SLC8B1: variants seen among roughly 807,000 people sequenced by gnomAD.
The protein encoded by SLC8B1 is mitochondrial sodium/calcium exchanger protein.
SLC8B1 carries 52 observed loss-of-function variants against 63.4 expected under a neutral mutation model. The ratio of observed to expected loss-of-function variants is 0.82; its 90% CI spans 0.66 to 1.03. The LOEUF is 1.03. Among genes scored for constraint, SLC8B1 ranks in the 50% least tolerant of loss-of-function variants. SLC8B1 has a pLI of 0.00. For missense variants in SLC8B1, 657 were observed against 741.7 expected (o/e 0.89, Z 1.33); for synonymous variants, 336 against 323.9 (o/e 1.04, Z -0.40).
chr12:113,314,220 A>G (rs146785508), intron 11 of SLC8B1, among the ~76,000 whole-genome samples: 57 of 152,216 alleles, frequency 3.7e-4, no homozygotes, highest in Middle Eastern at 3.4e-3. Flanking sequence ...CTCTCCTCCT[A>G]TCTCCTTCCC....
Position 113,335,056 on chromosome 12 carries a change from A to C in SLC8B1, c.-696T>G, listed in dbSNP as rs1442246301. 2 of 152,350 alleles carry C rather than the reference A, an allele frequency of 1.3e-5. No individual in the cohort carries two copies. The highest frequency in any genetic ancestry group is 1.3e-4 in the Admixed American group (2 of 15,288). The allele number at this position is 152,350 out of a possible 1,614,324, so 9.4% of individuals were successfully genotyped here. A position where few individuals can be genotyped will look rare whatever the true frequency, so the allele number is the denominator to read the frequency against. ...ACCTCGCAGGGCCTCGCAGCCTTCC[A>C]GGTCCCTGGCCGCCGGACCGACCTT... On this transcript the variant is annotated 5_prime_UTR_variant, in exon 1 of 16. Transcript: ENST00000680972.
rs1338758128 is a variant in SLC8B1, at chr12:113,332,771, A to G, written c.108T>C (p.Ile36=). The G allele has an allele frequency of 1.2e-6, 2 of 1,614,196 alleles. No individual in the cohort carries two copies. Among genetic ancestry groups the G allele is most frequent in the Admixed American group, 1.7e-5 (1 of 60,022 alleles). ...CACCTGAAGCTGGAAACTGGGGGCTAATGTGAGCTCCTGTAGACGAGCCCC... is the reference window on the plus strand; with the variant it reads ...CACCTGAAGCTGGAAACTGGGGGCTGATGTGAGCTCCTGTAGACGAGCCCC... The part of the protein sequence containing the change: ...GTRGSSTGAH[I]SPQFPASGVN... Residue 36 remains isoleucine, a synonymous_variant, in exon 2 of 16, where the codon ATT becomes ATC. Transcript: ENST00000680972.
chr12:113,328,389 C>T (rs925138877), intron 2 of SLC8B1, among the ~76,000 whole-genome samples: 18 of 152,162 alleles, frequency 1.2e-4, no homozygotes, highest in African/African-American at 4.1e-4. Context: ...TCCACCAGCA[C>T]GGAGAACAAC....
chr12:113,300,064 A>G, intron 15 of SLC8B1, 90 bp from the exon 16 acceptor site: 2 of 1,163,796 alleles, frequency 1.7e-6, no homozygotes, highest in African/African-American at 1.5e-5. Context: ...AGCCTCAACA[A>G]CAATGCAGCC....
intron 2 of SLC8B1, among the ~76,000 whole-genome samples, chr12:113,329,973 G>A (rs1048848120): frequency 3.9e-5 from 6 of 152,100 alleles, no homozygotes; most frequent in African/African-American, 1.4e-4. Context: ...CTGCCCCAGG[G>A]CCTTTGCATC....
intron 2 of SLC8B1, among the ~76,000 whole-genome samples, chr12:113,323,835 C>A (rs1176078807): frequency 2.0e-5 from 3 of 152,350 alleles, no homozygotes; most frequent in Non-Finnish European, 2.9e-5. Context: ...TGAACTCCCA[C>A]TAACACCAGA....
rs183212565 is a variant in SLC8B1, at chr12:113,319,092, G to A, written c.695-21C>T. The stretch of plus-strand genomic sequence containing the variant: ...GTAACCTGCAGACGGGGTGCACGCC[G>A]TCACCAAGTGGTGTCCTGGTGCAGG... On this transcript the variant is annotated intron_variant, in intron 7 of 15. Transcript: ENST00000680972. The A allele has an allele frequency of 1.2e-3, 1,958 of 1,581,774 alleles. 3 individuals are homozygous for A. The highest frequency in any genetic ancestry group is 1.6e-3 in the Non-Finnish European group (1,824 of 1,150,898).
At position 113,321,754 on chromosome 12, in the gene SLC8B1, CTT is replaced by C. The variant is rs779931273; in HGVS notation, c.157-408_157-407del. On this transcript the variant is annotated intron_variant, in intron 2 of 15. Coordinates refer to ENST00000680972, the MANE Select transcript of SLC8B1 (RefSeq NM_001358345.2). ...ACAGAAATGGATCCATCCCAAATCT[CTT>C]GTTTCTATAATTTGCTTTTACCATT... Among the ~76,000 whole-genome samples, 98 of 150,590 alleles carry C rather than the reference CTT, an allele frequency of 6.5e-4. 1 individual carries two copies. Among genetic ancestry groups the C allele is most frequent in the Admixed American group, 9.9e-4 (15 of 15,102 alleles).
At chr12:113,334,042 C>T (rs1418708561) in intron 1 of SLC8B1, among the ~76,000 whole-genome samples, 1 of 152,136 alleles carries the variant, frequency 6.6e-6, no homozygotes, top group Non-Finnish European at 1.5e-5. Context: ...GGTCACACAG[C>T]AAGAGGGTCA....
chr12:113,315,232 G>T, intron 11 of SLC8B1, 103 bp downstream of exon 11: 2 of 1,244,076 alleles, frequency 1.6e-6, no homozygotes, highest in East Asian at 2.8e-5. Context: ...GGAGGTTGCA[G>T]TGAGCTGAGA....
chr12:113,320,970 C>T lies in SLC8B1; in HGVS notation c.363-63G>A. 5 of 1,590,388 alleles carry T rather than the reference C, an allele frequency of 3.1e-6. No homozygotes were observed. The South Asian group carries it at 5.7e-5, about 18-fold the overall frequency. On this transcript the variant is annotated intron_variant, in intron 4 of 15. Coordinates refer to ENST00000680972, the MANE Select transcript of SLC8B1 (RefSeq NM_001358345.2). The surrounding 1 kb of genome is among the most constrained non-coding windows in gnomAD (Gnocchi z 5.3). The stretch of plus-strand genomic sequence containing the variant: ...AACCGGCCCCGGACCCCTATCCTTC[C>T]CCCAAACTGAGGGTGACCGAATGTC...
chr12:113,315,366 C>G lies in SLC8B1; in HGVS notation c.1104G>C (p.Leu368=). 6.4e-7 allele frequency: 1 copy of G among 1,556,030 alleles called. No individual in the cohort carries two copies. The highest frequency in any genetic ancestry group is 8.7e-7 in the Non-Finnish European group (1 of 1,149,312). The change falls in exon 11 of 16, where the codon CTG becomes CTC. Residue 368 remains leucine (L), a synonymous_variant. Coordinates refer to ENST00000680972, the MANE Select transcript of SLC8B1 (RefSeq NM_001358345.2). ...LNCLHLVISP[L]VVVLTLQSGT... is the part of the protein sequence containing the mutation. ...CCGACTGCAGGGTCAGGACCACAAC[C>G]AGGGGGCTGATAACCAGATGCAGAC...
rs778071860 is a variant in SLC8B1, at chr12:113,310,336, G to T, written c.1155C>A (p.Gly385=). Reference sequence around the variant, plus strand: ...CCACGACCCAGACGGGAACGAGGCCGCCTATCTCATAGACACCATCTGCAA... The same window carrying T: ...CCACGACCCAGACGGGAACGAGGCCTCCTATCTCATAGACACCATCTGCAA... ...QSGTYGVYEI[G]GLVPVWVVVV... The change falls in exon 12 of 16, where the codon GGC becomes GGA. Residue 385 remains glycine (G), a synonymous_variant. Transcript: ENST00000680972. 6.2e-6 allele frequency: 10 copies of T among 1,613,660 alleles called. No homozygotes were observed. The East Asian group carries it at 2.0e-4, about 32-fold the overall frequency.
At chr12:113,321,007 A>AC in intron 4 of SLC8B1, 49 bp downstream of exon 4, 1 of 1,597,934 alleles carries the variant, frequency 6.3e-7, no homozygotes, top group Non-Finnish European at 8.5e-7. Flanking sequence ...GCCTCCTGGG[A>AC]CCCCTCCTCC....
intron 15 of SLC8B1, among the ~76,000 whole-genome samples, chr12:113,303,135 ACACACACG>A (rs1172572789): frequency 2.8e-4 from 42 of 148,704 alleles, no homozygotes; most frequent in Non-Finnish European, 5.2e-4. Flanking sequence ...ACACACACAC[ACACACACG>A]CGCGCGCACA....
At chr12:113,333,697 G>A (rs1219819351) in intron 1 of SLC8B1, among the ~76,000 whole-genome samples, 4 of 151,732 alleles carry the variant, frequency 2.6e-5, no homozygotes, top group Non-Finnish European at 5.9e-5. Flanking sequence ...GGGGCTCAGA[G>A]GAGTGTTTTT....
At chr12:113,301,333 C>CTT (rs61095726) in intron 15 of SLC8B1, among the ~76,000 whole-genome samples, 118 of 107,610 alleles carry the variant, frequency 1.1e-3, no homozygotes, top group African/African-American at 1.7e-3. Flanking sequence ...CTTTATAAGG[C>CTT]TTTTTTTTTT....
At chr12:113,313,336 A>T (rs1956788116) in intron 11 of SLC8B1, among the ~76,000 whole-genome samples, 2 of 152,182 alleles carry the variant, frequency 1.3e-5, no homozygotes, top group Non-Finnish European at 2.9e-5. Flanking sequence ...TTAAAAAAAA[A>T]AAAAAAGTCT....
intron 2 of SLC8B1, among the ~76,000 whole-genome samples, chr12:113,327,820 A>G (rs1957013588): frequency 6.6e-6 from 1 of 151,964 alleles, no homozygotes; most frequent in Admixed American, 6.6e-5. Flanking sequence ...ATCTCTACTA[A>G]AAATACAAAA....
Sources: allele counts gnomAD v4.1 joint callset (sites outside exome capture counted in the v4.1 genomes callset), GRCh38; gene constraint gnomAD v4.1.1; non-coding constraint Gnocchi (gnomAD v3.1); transcripts MANE v1.5; gene names NCBI Gene and HGNC (gene_info 2026-07-23, HGNC 2026-07-21).